Variants in MCCC1 observed in about 807,000 individuals in gnomAD.
The protein encoded by MCCC1 is methylcrotonoyl-CoA carboxylase subunit alpha, mitochondrial.
MCCC1 carries 64 observed loss-of-function variants against 83.8 expected under a neutral mutation model. That is an observed-to-expected ratio of 0.76 (90% CI 0.62 to 0.94). The LOEUF is 0.94. MCCC1 is among the 40% of genes least tolerant of loss of function. MCCC1 has a pLI of 0.00. For missense variants in MCCC1, 807 were observed against 904.7 expected (o/e 0.89, Z 1.39); for synonymous variants, 322 against 315.4 (o/e 1.02, Z -0.22).
At chr3:183,104,437 A>G (rs1418644493), upstream of MCCC1, among the ~76,000 whole-genome samples, 1 of 151,478 alleles carries the variant, frequency 6.6e-6, no homozygotes, top group South Asian at 2.1e-4. Context: ...TTCTCTAAGT[A>G]TAACACAATA....
intron 7 of MCCC1, among the ~76,000 whole-genome samples, chr3:183,058,195 T>TAA (rs1715567151): frequency 6.6e-6 from 1 of 152,152 alleles, no homozygotes; most frequent in Non-Finnish European, 1.5e-5. Flanking sequence ...TTTAAGCAAC[T>TAA]CTTACAGTTA....
intron 9 of MCCC1, among the ~76,000 whole-genome samples, 177 bp from the exon 10 acceptor site, chr3:183,045,717 A>G (rs1396850336): frequency 6.6e-6 from 1 of 152,212 alleles, no homozygotes; most frequent in Admixed American, 6.5e-5. Context: ...TCAAAAATAG[A>G]GAGCTGCATG....
chr3:183,057,479 T>C, intron 7 of MCCC1, 57 bp from the exon 8 acceptor site: 1 of 1,302,830 alleles, frequency 7.7e-7, no homozygotes, highest in Non-Finnish European at 1.1e-6. Context: ...AAATATCACA[T>C]TCGTTAAGCT....
intron 12 of MCCC1, among the ~76,000 whole-genome samples, chr3:183,038,684 C>G (rs1577269436): frequency 1.3e-5 from 2 of 152,144 alleles, no homozygotes; most frequent in East Asian, 1.9e-4. Context: ...GCTTTTATTT[C>G]CTAAGTATTT....
rs960393680 is a variant in MCCC1 at position 183,031,098 on chromosome 3, G to A, written c.1681+2893C>T. Among the ~76,000 whole-genome samples the A allele has an allele frequency of 4.6e-5, 7 of 152,302 alleles. No individual in the cohort carries two copies. The East Asian group carries it at 5.8e-4, about 13-fold the overall frequency. On this transcript the variant is annotated intron_variant, in intron 14 of 18. Transcript: ENST00000265594. Reference sequence around the variant, plus strand: ...GGCACCTGCAGTATTAGGTCAGCACGTGTATCCTGGAGTGTGGGTTCAAAC... The same window carrying A: ...GGCACCTGCAGTATTAGGTCAGCACATGTATCCTGGAGTGTGGGTTCAAAC...
chr3:183,039,337 A>G (rs1713880735), intron 11 of MCCC1, among the ~76,000 whole-genome samples: 1 of 152,210 alleles, frequency 6.6e-6, no homozygotes. Flanking sequence ...TGGGCCACCC[A>G]ACAGCACCAG....
intron 7 of MCCC1, among the ~76,000 whole-genome samples, chr3:183,065,555 GCGTTTTTTT>G (rs1716193126): frequency 6.6e-6 from 1 of 151,750 alleles, no homozygotes; most frequent in Non-Finnish European, 1.5e-5. Context: ...AAAGTGAAAT[GCGTTTTTTT>G]TGTTTTGTTT....
chr3:183,056,998 C>T (rs1362894391), intron 8 of MCCC1, among the ~76,000 whole-genome samples: 2 of 152,142 alleles, frequency 1.3e-5, no homozygotes, highest in Admixed American at 1.3e-4. Flanking sequence ...CCTGGCCATT[C>T]ATTACAATTT....
At chr3:183,072,217 G>T (rs1716750106) in intron 5 of MCCC1, 149 bp downstream of exon 5, 1 of 875,326 alleles carries the variant, frequency 1.1e-6, no homozygotes, top group Non-Finnish European at 1.8e-6. Context: ...TCACTAAGTT[G>T]CCCAGGCTGG....
At chr3:183,095,144 G>A (rs745411183) in intron 1 of MCCC1, among the ~76,000 whole-genome samples, 1 of 151,990 alleles carries the variant, frequency 6.6e-6, no homozygotes, top group Non-Finnish European at 1.5e-5. Context: ...TTAGCCGGGC[G>A]TCATGGCGGG....
intron 5 of MCCC1, 99 bp from the exon 6 acceptor site, chr3:183,071,456 T>G (rs1716682973): frequency 7.8e-6 from 12 of 1,546,178 alleles, no homozygotes; most frequent in Non-Finnish European, 1.1e-5. Context: ...ACAATGGAAC[T>G]CTTTAAAGAA....
chr3:183,045,472 C>T lies in MCCC1; in HGVS notation c.1024G>A (p.Val342Met). 6.2e-7 allele frequency: 1 copy of T among 1,614,182 alleles called. No homozygotes were observed. Among genetic ancestry groups the T allele is most frequent in the Non-Finnish European group, 8.5e-7 (1 of 1,180,002 alleles). ...CFMEMNTRLQVEHPVTEMITG... is the reference protein window; with the variant it reads ...CFMEMNTRLQMEHPVTEMITG... ...ATCATCTCAGTAACAGGATGTTCCA[C>T]TTGCAGCCTTGTATTCATCTCCATG... is the stretch of plus-strand genomic sequence containing the variant. Residue 342 changes from valine to methionine, a missense_variant, in exon 10 of 19, where the codon GTG (valine) becomes ATG (methionine). By Grantham distance (21) the Val-to-Met change is conservative (BLOSUM62 1). Coordinates refer to ENST00000265594, the MANE Select transcript of MCCC1 (RefSeq NM_020166.5).
At chr3:183,056,947 G>A (rs774248330) in intron 8 of MCCC1, among the ~76,000 whole-genome samples, 15 of 152,160 alleles carry the variant, frequency 9.9e-5, no homozygotes, top group Non-Finnish European at 1.9e-4. Context: ...CACCCACCTC[G>A]GCCTCCCAAA....
chr3:183,047,310 G>C (rs1269680720), intron 9 of MCCC1, among the ~76,000 whole-genome samples: 1 of 152,046 alleles, frequency 6.6e-6, no homozygotes, highest in Admixed American at 6.6e-5. Flanking sequence ...ACACACCAGG[G>C]GCACAGGCTC....
chr3:183,017,678 G>C (rs1577230866), intron 17 of MCCC1: 1 of 313,278 alleles, frequency 3.2e-6, no homozygotes, highest in East Asian at 7.8e-5. Flanking sequence ...GAGGCCTACA[G>C]GTCAAATGCA....
intron 1 of MCCC1, among the ~76,000 whole-genome samples, chr3:183,106,890 C>T (rs2108584622): frequency 6.6e-6 from 1 of 152,306 alleles, no homozygotes. Context: ...CACACACTCA[C>T]ACATGCATAC....
chr3:183,071,593 AC>A (rs1716697026), intron 5 of MCCC1, among the ~76,000 whole-genome samples: 1 of 152,216 alleles, frequency 6.6e-6, no homozygotes, highest in Non-Finnish European at 1.5e-5. Flanking sequence ...TTGATTAGAA[AC>A]ATTAAGTATT....
chr3:183,027,942 T>C (rs78062768), intron 14 of MCCC1, among the ~76,000 whole-genome samples: 4,029 of 152,272 alleles, frequency 0.026, 157 homozygotes, highest in East Asian at 0.096. Flanking sequence ...AGATAATTGA[T>C]AAATGTGGCT....
At chr3:183,054,317 C>A (rs533131313) in intron 8 of MCCC1, among the ~76,000 whole-genome samples, 170 of 151,934 alleles carry the variant, frequency 1.1e-3, no homozygotes, top group African/African-American at 4.0e-3. Context: ...TCCTGAGTAG[C>A]TGGGACTACA....
Sources: allele counts gnomAD v4.1 joint callset (sites outside exome capture counted in the v4.1 genomes callset), GRCh38; gene constraint gnomAD v4.1.1; transcripts MANE v1.5; gene names NCBI Gene and HGNC (gene_info 2026-07-23, HGNC 2026-07-21).